The following BIRC6 variants were observed in gnomAD, a reference collection of about 807,000 sequenced individuals.
BIRC6 encodes dual E2 ubiquitin-conjugating enzyme/E3 ubiquitin-protein ligase BIRC6.
Under a neutral mutation model 503.3 loss-of-function variants are expected in BIRC6, and 98 were observed. That is an observed-to-expected ratio of 0.19 (90% CI 0.17 to 0.23). BIRC6 has a LOEUF of 0.23. Ranked by LOEUF, BIRC6 falls within the 10% of genes least tolerant of loss-of-function variation. The pLI, the probability that BIRC6 is intolerant of heterozygous loss-of-function variation, is 1.00. For missense variants in BIRC6, 5,360 were observed against 5,806.0 expected (o/e 0.92, Z 2.50); for synonymous variants, 2,240 against 2,078.7 (o/e 1.08, Z -2.11).
In BIRC6 at chr2:32,487,764, A is replaced by G; in HGVS notation, c.7931A>G (p.Asn2644Ser). Reference protein sequence around the residue: ...SSVPMLNVCFNKLFSMLQVHH... With the variant: ...SSVPMLNVCFSKLFSMLQVHH... ...GTCCCAATGTTAAATGTTTGTTTCA[A>G]CAAACTTTTTTCCATGCTTCAAGTC... The change falls in exon 41 of 74, where the codon AAC becomes AGC. Residue 2644 changes from asparagine (N) to serine (S), a missense_variant. This residue lies in a region of BIRC6 where 2,299 missense variants were observed against 2,267.2 expected (regional missense o/e 1.01). Transcript: ENST00000421745. 6 of 1,613,460 alleles carry G rather than the reference A, an allele frequency of 3.7e-6. No individual in the cohort carries two copies. The highest frequency in any genetic ancestry group is 1.1e-5 in the South Asian group (1 of 91,054).
At chr2:32,447,380 G>A (rs1484609539) in intron 21 of BIRC6, among the ~76,000 whole-genome samples, 13 of 151,720 alleles carry the variant, frequency 8.6e-5, no homozygotes, top group African/African-American at 3.1e-4. Flanking sequence ...CCGGGCGGGG[G>A]GCTGATCCCC....
At chr2:32,382,512 A>G (rs1488117703) in intron 3 of BIRC6, among the ~76,000 whole-genome samples, 1 of 152,178 alleles carries the variant, frequency 6.6e-6, no homozygotes, top group South Asian at 2.1e-4. Context: ...TGCTGGGAGA[A>G]CCTAAAAGCC....
intron 2 of BIRC6, among the ~76,000 whole-genome samples, chr2:32,378,204 A>ATC (rs1278302922): frequency 6.6e-6 from 1 of 152,018 alleles, no homozygotes; most frequent in Admixed American, 6.6e-5. Flanking sequence ...GCACTCTGGC[A>ATC]TCTCTCTCTT....
In BIRC6 at chr2:32,429,227, C is replaced by G. The variant is rs1462825470; in HGVS notation, c.2954C>G (p.Ser985Cys). ...GATATACTAGTGGATGGATCTCTTT[C>G]TAAAGGAATAGAACCATCTTCAGAA... ...EADILVDGSLSKGIEPSSEGS... is the reference protein window; with the variant it reads ...EADILVDGSLCKGIEPSSEGS... Residue 985 changes from serine to cysteine, a missense_variant, in exon 11 of 74, where the codon TCT becomes TGT. Ser to Cys is a moderately radical substitution (Grantham distance 112, BLOSUM62 -1). Around this residue, in one of 16 missense-constraint regions of BIRC6, gnomAD observed 700 missense variants for 739.3 expected, o/e 0.95. Transcript: ENST00000421745. 1 of 1,566,238 alleles carries G rather than the reference C, an allele frequency of 6.4e-7. No homozygotes were observed. The highest frequency in any genetic ancestry group is 8.7e-7 in the Non-Finnish European group (1 of 1,153,726).
chr2:32,478,958 T>C, intron 36 of BIRC6, 140 bp downstream of exon 36: 1 of 754,240 alleles, frequency 1.3e-6, no homozygotes, highest in Non-Finnish European at 2.1e-6. Flanking sequence ...CGGTGTGATG[T>C]TATAGCAGTA....
intron 65 of BIRC6, among the ~76,000 whole-genome samples, chr2:32,560,068 G>A (rs980473575): frequency 6.6e-6 from 1 of 152,080 alleles, no homozygotes; most frequent in Non-Finnish European, 1.5e-5. Flanking sequence ...ACACATGTCA[G>A]GTTCCAGACA....
At chr2:32,473,313 C>T in intron 33 of BIRC6, 74 bp downstream of exon 33, 2 of 1,259,272 alleles carry the variant, frequency 1.6e-6, no homozygotes, top group South Asian at 1.6e-5. Context: ...ACAGATGTGC[C>T]ATCAGATGTG....
intron 10 of BIRC6, among the ~76,000 whole-genome samples, chr2:32,425,447 T>C (rs2043378464): frequency 6.6e-6 from 1 of 152,038 alleles, no homozygotes; most frequent in South Asian, 2.1e-4. Flanking sequence ...TTTTTTTTTT[T>C]TTCTCCTGTA....
chr2:32,396,792 C>T (rs1004777173), intron 6 of BIRC6, among the ~76,000 whole-genome samples: 2 of 152,216 alleles, frequency 1.3e-5, no homozygotes, highest in African/African-American at 4.8e-5. Context: ...GGCGCGATCT[C>T]GGCTCACTGC....
intron 8 of BIRC6, among the ~76,000 whole-genome samples, chr2:32,403,144 T>G (rs2040784156): frequency 6.6e-6 from 1 of 152,164 alleles, no homozygotes; most frequent in Admixed American, 6.5e-5. Context: ...GAGGTGAAAC[T>G]TCATCCCTAA....
At chr2:32,385,760 T>G (rs1001269048) in intron 3 of BIRC6, among the ~76,000 whole-genome samples, 1 of 152,172 alleles carries the variant, frequency 6.6e-6, no homozygotes. Context: ...TTACTCAAAA[T>G]TGGCAACCTT....
chr2:32,374,679 A>G (rs2036485828), intron 1 of BIRC6, among the ~76,000 whole-genome samples: 1 of 151,936 alleles, frequency 6.6e-6, no homozygotes. Flanking sequence ...TCACTGTGTT[A>G]GCCAGGATGG....
intron 63 of BIRC6, among the ~76,000 whole-genome samples, chr2:32,546,511 C>T (rs760910838): frequency 5.9e-5 from 9 of 151,374 alleles, no homozygotes; most frequent in African/African-American, 9.7e-5. Flanking sequence ...ACCCAGGAGG[C>T]GGAAGTTGCA....
chr2:32,513,954 C>T (rs1275741751), intron 54 of BIRC6, among the ~76,000 whole-genome samples: 35 of 151,804 alleles, frequency 2.3e-4, no homozygotes, highest in Non-Finnish European at 1.3e-4. Context: ...ACCTGTCGTT[C>T]CAGCTACTTG....
intron 61 of BIRC6, among the ~76,000 whole-genome samples, chr2:32,536,978 T>A (rs2057291330): frequency 6.6e-6 from 1 of 152,198 alleles, no homozygotes; most frequent in African/African-American, 2.4e-5. Flanking sequence ...GTCCTTCACA[T>A]CCCTTGTAAG....
intron 71 of BIRC6, among the ~76,000 whole-genome samples, chr2:32,607,179 A>G (rs1448173991): frequency 2.3e-5 from 2 of 85,636 alleles, no homozygotes; most frequent in African/African-American, 1.0e-4. Flanking sequence ...CTTCATATCT[A>G]TTATTATTAT....
chr2:32,468,925 G>A (rs1475708320), intron 29 of BIRC6, 142 bp downstream of exon 29: 3 of 661,612 alleles, frequency 4.5e-6, no homozygotes, highest in Non-Finnish European at 7.4e-6. Context: ...TGTCTCTTTA[G>A]GTTAATCTAT....
In BIRC6 at chr2:32,475,063, G is replaced by A. The variant is rs566614274; in HGVS notation, c.6721-1150G>A. On this transcript the variant is annotated intron_variant, in intron 33 of 73. Coordinates refer to ENST00000421745, the MANE Select transcript of BIRC6 (RefSeq NM_016252.4). ...GCCTGTAGTCCCAGTTACTCAGGAG[G>A]ATGAGGCAGGAGAATCCTTAAATCT... Among the ~76,000 whole-genome samples the A allele has an allele frequency of 2.1e-3, 323 of 150,910 alleles. 1 individual carries two copies. Among genetic ancestry groups the A allele is most frequent in the Non-Finnish European group, 4.2e-3 (282 of 67,836 alleles).
chr2:32,365,500 T>C (rs1237954328), intron 1 of BIRC6, among the ~76,000 whole-genome samples: 4 of 152,168 alleles, frequency 2.6e-5, no homozygotes, highest in Non-Finnish European at 4.4e-5. Flanking sequence ...TTTCTATTTT[T>C]AGTAGAGACA....
Sources: allele counts gnomAD v4.1 joint callset (sites outside exome capture counted in the v4.1 genomes callset), GRCh38; gene constraint gnomAD v4.1.1; regional missense constraint gnomAD v4.1.1; transcripts MANE v1.5; gene names NCBI Gene and HGNC (gene_info 2026-07-23, HGNC 2026-07-21).